Variants in FBXO22 observed in about 807,000 individuals in gnomAD.
The protein encoded by FBXO22 is F-box only protein 22.
Under a neutral mutation model 37.2 loss-of-function variants are expected in FBXO22, and 13 were observed. That is an observed-to-expected ratio of 0.35 (90% CI 0.23 to 0.56). FBXO22 has a LOEUF of 0.56. Among genes scored for constraint, FBXO22 ranks in the 20% least tolerant of loss-of-function variants. The pLI is 0.87. For missense variants in FBXO22, 446 were observed against 509.9 expected, an observed-to-expected ratio of 0.87 and a Z score of 1.21; for synonymous variants, 189 against 189.1, an observed-to-expected ratio of 1.00 and a Z score of 0.00.
rs1411793186 is a variant in FBXO22, at chr15:75,904,043, C to G, written c.80C>G (p.Ala27Gly). The part of the protein sequence containing the change: ...PRSTFVLSNL[A>G]EVVERVLTFL... Reference sequence around the variant, plus strand: ...AGCACCTTCGTGTTGAGTAACCTGGCGGAGGTGGTGGAGCGTGTGCTCACC... The same window carrying G: ...AGCACCTTCGTGTTGAGTAACCTGGGGGAGGTGGTGGAGCGTGTGCTCACC... The change falls in exon 1 of 7, where the codon GCG becomes GGG. Residue 27 changes from alanine (A) to glycine (G), a missense_variant. Transcript: ENST00000308275. 1 of 1,565,898 alleles carries G rather than the reference C, an allele frequency of 6.4e-7. No homozygotes were observed. Among genetic ancestry groups the G allele is most frequent in the South Asian group, 1.2e-5 (1 of 85,192 alleles).
intron 5 of FBXO22, 60 bp from the exon 6 acceptor site, chr15:75,929,824 T>A: frequency 1.3e-6 from 2 of 1,595,022 alleles, no homozygotes; most frequent in East Asian, 2.2e-5. Flanking sequence ...TTTTGCAGCA[T>A]GTATAAAATA....
chr15:75,922,102 T>C (rs1900339568), intron 5 of FBXO22, among the ~76,000 whole-genome samples: 1 of 152,212 alleles, frequency 6.6e-6, no homozygotes, highest in Admixed American at 6.5e-5. Flanking sequence ...TTGCCAAGTA[T>C]GCATTGTACG....
At chr15:75,920,005 T>G (rs1031436648) in intron 5 of FBXO22, among the ~76,000 whole-genome samples, 1 of 152,190 alleles carries the variant, frequency 6.6e-6, no homozygotes, top group African/African-American at 2.4e-5. Context: ...GGTATGTAAA[T>G]AGCAGAGTTA....
intron 5 of FBXO22, among the ~76,000 whole-genome samples, chr15:75,922,370 G>A (rs1900346311): frequency 6.6e-6 from 1 of 152,328 alleles, no homozygotes; most frequent in Admixed American, 6.5e-5. Flanking sequence ...TTCTGTGAGA[G>A]CAGAATGGGT....
chr15:75,933,494 A>G lies in FBXO22; in HGVS notation c.*392A>G, dbSNP rs1338984023. 1.1e-5 allele frequency: 2 copies of G among 187,114 alleles called. No individual in the cohort carries two copies. The highest frequency in any genetic ancestry group is 2.2e-5 in the Non-Finnish European group (2 of 89,992). 11.6% of individuals were successfully genotyped at this position (187,114 alleles called of 1,614,324 possible). On this transcript the variant is annotated 3_prime_UTR_variant, in exon 7 of 7. Coordinates refer to ENST00000308275, the MANE Select transcript of FBXO22 (RefSeq NM_147188.3). ...TTGTTAGGTGATGTCTTTTAGCAGA[A>G]TCATGAAGACCTTTTTTCTCCCTTA... is the stretch of plus-strand genomic sequence containing the variant.
chr15:75,912,609 G>A (rs888103009), intron 2 of FBXO22, among the ~76,000 whole-genome samples: 3 of 152,120 alleles, frequency 2.0e-5, no homozygotes, highest in Admixed American at 2.0e-4. Flanking sequence ...TGGGATCAGT[G>A]GTGATATCCC....
chr15:75,904,973 G>A (rs924113427), intron 2 of FBXO22, among the ~76,000 whole-genome samples: 1 of 152,042 alleles, frequency 6.6e-6, no homozygotes, highest in African/African-American at 2.4e-5. Context: ...ACAGGCGCCC[G>A]CCACCATGCC....
chr15:75,912,186 G>A (rs1306813509), intron 2 of FBXO22, among the ~76,000 whole-genome samples: 1 of 151,974 alleles, frequency 6.6e-6, no homozygotes, highest in Non-Finnish European at 1.5e-5. Flanking sequence ...GTATTTTATT[G>A]AGGATTTTCA....
Position 75,932,826 on chromosome 15 carries a change from C to T in FBXO22, c.936C>T (p.Ala312=). 6.2e-7 allele frequency: 1 copy of T among 1,614,240 alleles called. No homozygotes were observed. The highest frequency in any genetic ancestry group is 1.1e-5 in the South Asian group (1 of 91,086). Residue 312 remains alanine (A), a synonymous_variant, in exon 7 of 7, where the codon GCC becomes GCT. Transcript: ENST00000308275. ...AEAAMQRLKA[A]NIPEHNTIGF... ...CTGCGATGCAGCGCCTCAAAGCGGC[C>T]AACATTCCAGAGCATAACACCATTG...
In FBXO22 at chr15:75,903,895, C is replaced by T. The variant is rs2141697840; in HGVS notation, c.-69C>T. ...GCCTGCTCAGTGCGCGCCGGCCGGG[C>T]AACCCTATGCTGGCGTAATCGGGTT... is the stretch of plus-strand genomic sequence containing the variant. On this transcript the variant is annotated 5_prime_UTR_variant, in exon 1 of 7. Transcript: ENST00000308275. 5.7e-6 allele frequency: 8 copies of T among 1,405,268 alleles called. No individual in the cohort carries two copies. The South Asian group carries it at 9.3e-5, about 16-fold the overall frequency. The allele number at this position is 1,405,268 out of a possible 1,614,324, so 87.0% of individuals were successfully genotyped here.
intron 4 of FBXO22, 139 bp downstream of exon 4, chr15:75,914,344 G>A (rs1315757320): frequency 1.6e-6 from 1 of 622,762 alleles, no homozygotes; most frequent in Non-Finnish European, 2.8e-6. Flanking sequence ...TATTTACCAT[G>A]GCATTATATT....
Position 75,934,731 on chromosome 15 carries a change from T to A in FBXO22, c.*1629T>A, listed in dbSNP as rs984680857. ...GCTATTTAGCTATTATCAAAATACC[T>A]CAAAATTTTAGTCCTTGAATGTGCT... On this transcript the variant is annotated 3_prime_UTR_variant, in exon 7 of 7. Transcript: ENST00000308275. The A allele has an allele frequency of 2.0e-5, 3 of 152,218 alleles. No homozygotes were observed. The highest frequency in any genetic ancestry group is 6.5e-5 in the Admixed American group (1 of 15,288). The allele number at this position is 152,218 out of a possible 1,614,324, so 9.4% of individuals were successfully genotyped here.
rs149601564 is a variant in FBXO22, at chr15:75,903,906, T to G, written c.-58T>G. ...GCGCGCCGGCCGGGCAACCCTATGC[T>G]GGCGTAATCGGGTTCCTCCGAGCCG... On this transcript the variant is annotated 5_prime_UTR_variant, in exon 1 of 7. Coordinates refer to ENST00000308275, the MANE Select transcript of FBXO22 (RefSeq NM_147188.3). 1,326 of 1,439,258 alleles carry G rather than the reference T, an allele frequency of 9.2e-4. 12 individuals carry two copies. The African/African-American group carries it at 0.017, about 19-fold the overall frequency. 89.2% of individuals were successfully genotyped at this position (1,439,258 alleles called of 1,614,324 possible).
chr15:75,931,216 T>C (rs2029996072), intron 6 of FBXO22, among the ~76,000 whole-genome samples: 1 of 152,210 alleles, frequency 6.6e-6, no homozygotes, highest in African/African-American at 2.4e-5. Flanking sequence ...TCTGAGGTGC[T>C]AGCTTGTAAG....
chr15:75,908,277 G>T (rs560489508), intron 2 of FBXO22, among the ~76,000 whole-genome samples: 1,584 of 141,824 alleles, frequency 0.011, 14 homozygotes, highest in Middle Eastern at 0.04. Flanking sequence ...GTTTTGTTTG[G>T]TTTTTTTTTT....
At chr15:75,913,329 A>G in intron 3 of FBXO22, 39 bp downstream of exon 3, 1 of 1,383,484 alleles carries the variant, frequency 7.2e-7, no homozygotes. Context: ...CTGTTTTTTT[A>G]TCATGTGCCT....
chr15:75,933,099 A>G lies in FBXO22; in HGVS notation c.1209A>G (p.Lys403=), dbSNP rs991709953. ...IMALIHLGSS[K] is the part of the protein sequence containing the mutation. ...CACTCATACATCTGGGGTCATCTAA[A>G]TAATAATTAAAGTGGCTTTCATAAT... Residue 403 remains lysine (K), a synonymous_variant, in exon 7 of 7, where the codon AAA becomes AAG. Coordinates refer to ENST00000308275, the MANE Select transcript of FBXO22 (RefSeq NM_147188.3). The G allele has an allele frequency of 1.3e-6, 2 of 1,587,652 alleles. No individual in the cohort carries two copies. The highest frequency in any genetic ancestry group is 1.4e-5 in the African/African-American group (1 of 73,322).
rs2030133995 is a variant in FBXO22 at position 75,933,338 on chromosome 15, T to G, written c.*236T>G. On this transcript the variant is annotated 3_prime_UTR_variant, in exon 7 of 7. Coordinates refer to ENST00000308275, the MANE Select transcript of FBXO22 (RefSeq NM_147188.3). ...TTGCATCAGGCAGAAGCAAACTGAT[T>G]ATAGTTGTGTTGCACCAGATCATGT... is the stretch of plus-strand genomic sequence containing the variant. 4.4e-6 allele frequency: 2 copies of G among 456,702 alleles called. No individual in the cohort carries two copies. Among genetic ancestry groups the G allele is most frequent in the Non-Finnish European group, 7.8e-6 (2 of 255,736 alleles). 28.3% of individuals were successfully genotyped at this position (456,702 alleles called of 1,614,324 possible).
Position 75,903,879 on chromosome 15 carries a change from G to T in FBXO22, c.-85G>T. ...CGGAAGTGGCGCGGACGCCTGCTCA[G>T]TGCGCGCCGGCCGGGCAACCCTATG... On this transcript the variant is annotated 5_prime_UTR_variant, in exon 1 of 7. Transcript: ENST00000308275. 7.2e-7 allele frequency: 1 copy of T among 1,392,272 alleles called. No homozygotes were observed. The highest frequency in any genetic ancestry group is 1.6e-5 in the South Asian group (1 of 63,374). 86.2% of individuals were successfully genotyped at this position (1,392,272 alleles called of 1,614,324 possible).
Sources: allele counts gnomAD v4.1 joint callset (sites outside exome capture counted in the v4.1 genomes callset), GRCh38; gene constraint gnomAD v4.1.1; transcripts MANE v1.5; gene names NCBI Gene and HGNC (gene_info 2026-07-23, HGNC 2026-07-21).